SPATA13: variants seen among roughly 807,000 people sequenced by gnomAD.
The protein encoded by SPATA13 is spermatogenesis-associated protein 13.
Under a neutral mutation model 104.0 loss-of-function variants are expected in SPATA13, and 50 were observed. The ratio of observed to expected loss-of-function variants is 0.48; its 90% confidence interval spans 0.38 to 0.61. SPATA13 has a LOEUF of 0.61. Ranked by LOEUF, SPATA13 falls within the 20% of genes least tolerant of loss-of-function variation. The pLI is 0.00. For missense variants in SPATA13, 1,524 were observed against 1,690.6 expected, an observed-to-expected ratio of 0.90 and a Z score of 1.73; for synonymous variants, 606 against 667.5, an observed-to-expected ratio of 0.91 and a Z score of 1.42.
At chr13:24,282,039 T>C (rs1333846352) in intron 4 of SPATA13, among the ~76,000 whole-genome samples, 1 of 152,192 alleles carries the variant, frequency 6.6e-6, no homozygotes, top group Non-Finnish European at 1.5e-5. Context: ...TGTTTATCAT[T>C]GTTCTAGTGC....
intron 3 of SPATA13, among the ~76,000 whole-genome samples, chr13:24,154,126 G>GAA (rs35355340): frequency 2.0e-5 from 3 of 150,212 alleles, no homozygotes; most frequent in South Asian, 2.1e-4. Context: ...CAAGCATTTT[G>GAA]AAAAAAAAAG....
intron 3 of SPATA13, among the ~76,000 whole-genome samples, chr13:24,057,051 CTCTT>C (rs1479416807): frequency 1.4e-4 from 20 of 145,956 alleles, no homozygotes; most frequent in Admixed American, 2.7e-4. Context: ...TAGCGTCTGG[CTCTT>C]TCTTTTTTTT....
chr13:24,291,167 T>C (rs1876323998), intron 9 of SPATA13, among the ~76,000 whole-genome samples: 1 of 152,338 alleles, frequency 6.6e-6, no homozygotes, highest in African/African-American at 2.4e-5. Context: ...GTTATGTTGC[T>C]TACCTGTATT....
intron 3 of SPATA13, among the ~76,000 whole-genome samples, chr13:24,076,557 C>T (rs1032495913): frequency 4.6e-5 from 7 of 151,978 alleles, no homozygotes; most frequent in South Asian, 4.2e-4. Flanking sequence ...TGAATATGAA[C>T]GAAGCAGCAG....
intron 1 of SPATA13, among the ~76,000 whole-genome samples, chr13:24,212,450 T>C (rs1871080364): frequency 6.6e-6 from 1 of 152,200 alleles, no homozygotes; most frequent in African/African-American, 2.4e-5. Flanking sequence ...CCTGAAGTGC[T>C]TATGTAACCA....
At chr13:24,129,893 C>A (rs184403288) in intron 3 of SPATA13, among the ~76,000 whole-genome samples, 2 of 152,148 alleles carry the variant, frequency 1.3e-5, no homozygotes, top group Non-Finnish European at 2.9e-5. Flanking sequence ...GGATTAATAA[C>A]CTTAGGACCT....
At position 24,270,928 on chromosome 13, in the gene SPATA13, A is replaced by G. The variant is rs1390753690; in HGVS notation, c.2165-13207A>G. ...CTTCACTTGGGTATGTGTGCAAAGA[A>G]TGGATTGTTGTACTGTGACATGTTG... On this transcript the variant is annotated intron_variant, in intron 4 of 12. Transcript: ENST00000382108. 12 of 1,580,316 alleles carry G rather than the reference A, an allele frequency of 7.6e-6. No homozygotes were observed. The Admixed American group carries it at 8.3e-5, about 11-fold the overall frequency.
chr13:24,093,489 G>T (rs1261008489), intron 3 of SPATA13, among the ~76,000 whole-genome samples: 1 of 152,152 alleles, frequency 6.6e-6, no homozygotes, highest in Middle Eastern at 3.2e-3. Context: ...CCTATTAAAT[G>T]GTCCCAATAC....
chr13:24,126,812 C>A lies in SPATA13; in HGVS notation c.-111-96007C>A, dbSNP rs560826698. ...GCTCAAGAGATCCACCTGCCTTGGCCTGTCAGCTTGGGGATTTGGTTACAG... is the reference window on the plus strand; with the variant it reads ...GCTCAAGAGATCCACCTGCCTTGGCATGTCAGCTTGGGGATTTGGTTACAG... On this transcript the variant is annotated intron_variant, in intron 3 of 14. Transcript: ENST00000424834. 2.0e-5 allele frequency among the ~76,000 whole-genome samples: 3 copies of A among 152,272 alleles called. No homozygotes were observed. The East Asian group carries it at 5.8e-4, about 29-fold the overall frequency.
chr13:23,983,492 T>G (rs909264828), intron 1 of SPATA13, among the ~76,000 whole-genome samples: 3 of 152,200 alleles, frequency 2.0e-5, no homozygotes, highest in African/African-American at 7.2e-5. Flanking sequence ...CAGAGAATTT[T>G]TAAAAAGTGG....
rs1876590420 is a variant in SPATA13 at position 24,294,124 on chromosome 13, TAGCGGGCTTGGG to T, written c.3081-608_3081-597del. ...TCTGCTTTTCCGGTGCCTACAGTTTTAGCGGGCTTGGGAGCGGGGCCCTCCTGGGGAGAACAT... is the reference window on the plus strand; with the variant it reads ...TCTGCTTTTCCGGTGCCTACAGTTTTAGCGGGGCCCTCCTGGGGAGAACAT... On this transcript the variant is annotated intron_variant, in intron 9 of 12. Transcript: ENST00000382108. Among the ~76,000 whole-genome samples the T allele has an allele frequency of 2.6e-5, 4 of 152,328 alleles. No homozygotes were observed. The South Asian group carries it at 8.3e-4, about 32-fold the overall frequency.
chr13:24,173,187 C>T (rs1017692861), intron 1 of SPATA13, among the ~76,000 whole-genome samples: 2 of 152,194 alleles, frequency 1.3e-5, no homozygotes, highest in African/African-American at 4.8e-5. Context: ...AAGCGATTCT[C>T]CTGCCTCAGC....
At chr13:23,995,768 C>T (rs1593264408) in intron 2 of SPATA13, among the ~76,000 whole-genome samples, 1 of 152,180 alleles carries the variant, frequency 6.6e-6, no homozygotes, top group Admixed American at 6.5e-5. Context: ...AGATCTAACT[C>T]TTTGAAACGT....
chr13:24,139,876 C>G lies in SPATA13; in HGVS notation c.-111-82943C>G, dbSNP rs192043830. On this transcript the variant is annotated intron_variant, in intron 3 of 14. Coordinates refer to the SPATA13 transcript ENST00000424834. The stretch of plus-strand genomic sequence containing the variant: ...AGGTCAGGAGATCTAGACCATCCTG[C>G]CTAACATGGTGAAACCCTGTCTCTA... Among the ~76,000 whole-genome samples, 573 of 152,132 alleles carry G rather than the reference C, an allele frequency of 3.8e-3. 1 individual carries two copies. The highest frequency in any genetic ancestry group is 0.011 in the African/African-American group (453 of 41,490).
In SPATA13 at chr13:24,228,403, C is replaced by A. The variant is rs1018720804; in HGVS notation, c.1653+3821C>A. ...GTGCTGGGATTACAGGCGTGAGCCA[C>A]CGCGCCGAGCCTGTACTCTTAACAT... On this transcript the variant is annotated intron_variant, in intron 2 of 12. Coordinates refer to ENST00000382108, the MANE Select transcript of SPATA13 (RefSeq NM_001166271.3). 2.6e-5 allele frequency among the ~76,000 whole-genome samples: 4 copies of A among 152,144 alleles called. No homozygotes were observed. In the East Asian group the frequency reaches 7.7e-4, roughly 29 times the overall value.
intron 3 of SPATA13, among the ~76,000 whole-genome samples, chr13:24,044,473 C>T (rs929176575): frequency 7.9e-5 from 12 of 152,044 alleles, no homozygotes; most frequent in Non-Finnish European, 8.8e-5. Context: ...CCTCATGATC[C>T]GCCCACCTCG....
intron 3 of SPATA13, among the ~76,000 whole-genome samples, chr13:24,085,137 T>C (rs1879676111): frequency 6.6e-6 from 1 of 152,106 alleles, no homozygotes; most frequent in Non-Finnish European, 1.5e-5. Context: ...TCCCTTGTTT[T>C]GTTGAGACAG....
At chr13:24,042,763 C>T (rs1877981543) in intron 3 of SPATA13, among the ~76,000 whole-genome samples, 1 of 152,218 alleles carries the variant, frequency 6.6e-6, no homozygotes, top group Admixed American at 6.5e-5. Context: ...GGCTGCCTCA[C>T]TTGGTCAGCG....
At chr13:24,009,967 C>T (rs1281266623) in intron 2 of SPATA13, among the ~76,000 whole-genome samples, 1 of 152,150 alleles carries the variant, frequency 6.6e-6, no homozygotes, top group Non-Finnish European at 1.5e-5. Context: ...TTTTGGTTTA[C>T]AGGCAGTCCT....
Sources: gnomAD v4.1 joint callset for allele counts (sites outside exome capture counted in the v4.1 genomes callset) on GRCh38, gnomAD v4.1.1 for gene constraint, MANE v1.5 for transcripts, NCBI Gene and HGNC (gene_info 2026-07-23, HGNC 2026-07-21) for gene names.